The following MTMR12 variants were observed in gnomAD, a reference collection of about 807,000 sequenced individuals.
MTMR12 encodes the protein myotubularin-related protein 12.
A neutral mutation model predicts 96.7 loss-of-function variants in MTMR12; 33 were observed. That is an observed-to-expected ratio of 0.34 (90% CI 0.26 to 0.46). The LOEUF (loss-of-function observed/expected upper bound fraction) is 0.46. Ranked by LOEUF, MTMR12 falls within the 20% of genes least tolerant of loss-of-function variation. MTMR12 has a pLI of 1.00. For missense variants in MTMR12, 721 were observed against 896.1 expected (o/e 0.80, Z 2.49); for synonymous variants, 298 against 327.2 (o/e 0.91, Z 0.96).
chr5:32,282,316 G>T (rs1750329331), intron 1 of MTMR12, among the ~76,000 whole-genome samples: 3 of 152,010 alleles, frequency 2.0e-5, no homozygotes, highest in African/African-American at 7.2e-5. Context: ...AGCTACTCTG[G>T]AGGCTGAGGC....
At chr5:32,277,122 T>C (rs1285886581) in intron 1 of MTMR12, among the ~76,000 whole-genome samples, 1 of 152,140 alleles carries the variant, frequency 6.6e-6, no homozygotes, top group Non-Finnish European at 1.5e-5. Flanking sequence ...CTTGACCTTG[T>C]GATCTGCCCG....
chr5:32,234,657 C>T (rs990456865), intron 14 of MTMR12: 20 of 182,598 alleles, frequency 1.1e-4, no homozygotes, highest in Non-Finnish European at 2.0e-4. Context: ...CAGCTTCCTC[C>T]AGGATAATAA....
chr5:32,238,901 C>T (rs1748345260), intron 13 of MTMR12, 100 bp downstream of exon 13: 2 of 1,291,910 alleles, frequency 1.5e-6, no homozygotes, highest in Non-Finnish European at 2.0e-6. Flanking sequence ...TTGGCTTACA[C>T]TTTGCAAGCA....
At chr5:32,245,525 A>G (rs1007305675) in intron 10 of MTMR12, among the ~76,000 whole-genome samples, 1 of 152,076 alleles carries the variant, frequency 6.6e-6, no homozygotes. Context: ...GCGTTGGCCA[A>G]CTTTCTTAAA....
rs1017091115 is a variant in MTMR12 at position 32,228,525 on chromosome 5, CAT to C, written c.*1251_*1252del. On this transcript the variant is annotated 3_prime_UTR_variant, in exon 16 of 16. Transcript: ENST00000382142. The stretch of plus-strand genomic sequence containing the variant: ...TTCCTGCATTAAAAAAAATATATAT[CAT>C]ATATATGATATATATATCATATATA... 4 of 84,166 alleles carry C rather than the reference CAT, an allele frequency of 4.8e-5. No homozygotes were observed. The highest frequency in any genetic ancestry group is 1.5e-4 in the African/African-American group (4 of 26,818). 5.2% of individuals were successfully genotyped at this position (84,166 alleles called of 1,614,324 possible).
At position 32,237,873 on chromosome 5, in the gene MTMR12, C is replaced by T. The variant is rs187295280; in HGVS notation, c.1344+1128G>A. Among the ~76,000 whole-genome samples the T allele has an allele frequency of 2.1e-3, 319 of 151,760 alleles. 3 individuals carry two copies. The highest frequency in any genetic ancestry group is 7.4e-3 in the African/African-American group (305 of 41,444). The stretch of plus-strand genomic sequence containing the variant: ...ATTGACTCTGAATGGCCAGGTGTGG[C>T]GGCTCATGCCTGTAATCCCAGCACT... On this transcript the variant is annotated intron_variant, in intron 13 of 15. Transcript: ENST00000382142.
At position 32,281,899 on chromosome 5, in the gene MTMR12, C is replaced by CAAA. The variant is rs201071153; in HGVS notation, c.82-5160_82-5158dup. Among the ~76,000 whole-genome samples, 65 of 121,388 alleles carry CAAA rather than the reference C, an allele frequency of 5.4e-4. 1 individual carries two copies. The highest frequency in any genetic ancestry group is 1.1e-3 in the South Asian group (4 of 3,774). 79.6% of individuals were successfully genotyped at this position (121,388 alleles called of 152,430 possible). A position where few individuals can be genotyped will look rare whatever the true frequency, so the allele number is the denominator to read the frequency against. ...TGGGAGACAGTGCGAGACTCCGTCT[C>CAAA]AAAAAAAAAAAAAAGAGACCACATC... On this transcript the variant is annotated intron_variant, in intron 1 of 15. Transcript: ENST00000382142.
intron 8 of MTMR12, among the ~76,000 whole-genome samples, chr5:32,251,500 G>C (rs1273672996): frequency 6.6e-6 from 1 of 152,146 alleles, no homozygotes; most frequent in Non-Finnish European, 1.5e-5. Context: ...AGGGAACTGG[G>C]GCTGCACACG....
chr5:32,269,594 C>T (rs11747757), intron 5 of MTMR12, among the ~76,000 whole-genome samples: 11,731 of 152,252 alleles, frequency 0.077, 600 homozygotes, highest in South Asian at 0.14. Flanking sequence ...CATTGGCCAC[C>T]GTGCCCAGCC....
chr5:32,232,443 GAA>G (rs1748033921), intron 15 of MTMR12, among the ~76,000 whole-genome samples: 1 of 152,194 alleles, frequency 6.6e-6, no homozygotes, highest in African/African-American at 2.4e-5. Flanking sequence ...ATCTCCCAAG[GAA>G]AAGAGATGAT....
chr5:32,263,932 A>G (rs1749483218), intron 6 of MTMR12, among the ~76,000 whole-genome samples: 2 of 152,236 alleles, frequency 1.3e-5, no homozygotes. Flanking sequence ...TAAGACGGCC[A>G]ACTAATTTGA....
At chr5:32,283,216 T>C (rs1255243736) in intron 1 of MTMR12, among the ~76,000 whole-genome samples, 1 of 152,236 alleles carries the variant, frequency 6.6e-6, no homozygotes, top group African/African-American at 2.4e-5. Flanking sequence ...ATCTCTTTCT[T>C]AGTGGCATTA....
At chr5:32,245,351 T>C (rs528137997) in intron 10 of MTMR12, among the ~76,000 whole-genome samples, 18 of 152,300 alleles carry the variant, frequency 1.2e-4, no homozygotes, top group Admixed American at 3.3e-4. Context: ...TAAGGATTTT[T>C]TAAGATTAGA....
intron 1 of MTMR12, among the ~76,000 whole-genome samples, chr5:32,293,874 G>A (rs4075638): frequency 0.42 from 64,311 of 151,916 alleles, 13,923 homozygotes; most frequent in East Asian, 0.58. Context: ...TCAGCTCATC[G>A]CCACCCCTTG....
intron 13 of MTMR12, among the ~76,000 whole-genome samples, chr5:32,235,770 T>C (rs1748204221): frequency 6.6e-6 from 1 of 152,234 alleles, no homozygotes; most frequent in African/African-American, 2.4e-5. Context: ...CCTCATTTAT[T>C]AGCTCCCAGA....
At chr5:32,230,431 C>A (rs1274197848) in intron 15 of MTMR12, 84 bp from the exon 16 acceptor site, 4 of 1,308,894 alleles carry the variant, frequency 3.1e-6, no homozygotes, top group Non-Finnish European at 3.1e-6. Flanking sequence ...AAGAGCATAA[C>A]CCTGCTTTAA....
chr5:32,240,792 G>C lies in MTMR12; in HGVS notation c.1171+1265C>G, dbSNP rs1005996944. ...ATTTTTGCATTATTAGTAGAGACAG[G>C]GTTTCGTCATGTTGGCCAGGCTGGT... On this transcript the variant is annotated intron_variant, in intron 12 of 15. Coordinates refer to ENST00000382142, the MANE Select transcript of MTMR12 (RefSeq NM_001040446.3). Among the ~76,000 whole-genome samples, 10 of 152,078 alleles carry C rather than the reference G, an allele frequency of 6.6e-5. No homozygotes were observed. In the East Asian group the frequency reaches 7.7e-4, roughly 12 times the overall value.
chr5:32,274,702 G>A (rs1050469864), intron 2 of MTMR12, among the ~76,000 whole-genome samples: 3 of 152,174 alleles, frequency 2.0e-5, no homozygotes, highest in Non-Finnish European at 4.4e-5. Context: ...CTGGCTCCAC[G>A]CTGGGAAAAC....
chr5:32,301,082 A>G (rs1751124371), intron 1 of MTMR12, among the ~76,000 whole-genome samples: 1 of 152,152 alleles, frequency 6.6e-6, no homozygotes, highest in Non-Finnish European at 1.5e-5. Context: ...TCAAAAAAAG[A>G]AAGAAAAAGA....
Sources: gnomAD v4.1 joint callset for allele counts (sites outside exome capture counted in the v4.1 genomes callset) on GRCh38, gnomAD v4.1.1 for gene constraint, MANE v1.5 for transcripts, NCBI Gene and HGNC (gene_info 2026-07-23, HGNC 2026-07-21) for gene names.